WWOX: variants seen among roughly 807,000 people sequenced by gnomAD.
WWOX encodes the protein WW domain-containing oxidoreductase.
A neutral mutation model predicts 46.2 loss-of-function variants in WWOX; 69 were observed. The ratio of observed to expected loss-of-function variants is 1.49; its 90% CI spans 1.23 to 1.82. The LOEUF is 1.82. Among genes scored for constraint, WWOX ranks in the 40% most tolerant of loss-of-function variants. The pLI is 0.00. For synonymous variants in WWOX, 359 were observed against 202.6 expected (o/e 1.77, Z -6.56); for missense variants, 919 against 542.6 (o/e 1.69, Z -6.89).
intron 8 of WWOX, among the ~76,000 whole-genome samples, chr16:79,175,665 G>A (rs1427428926): frequency 1.3e-5 from 2 of 152,206 alleles, no homozygotes; most frequent in Non-Finnish European, 2.9e-5. Context: ...TGATTCTGAT[G>A]AAGGATGTTA....
At chr16:78,940,396 C>A (rs930387399) in intron 8 of WWOX, among the ~76,000 whole-genome samples, 2 of 152,292 alleles carry the variant, frequency 1.3e-5, no homozygotes, top group African/African-American at 4.8e-5. Context: ...CATCTTAGCT[C>A]AGTGTTTCTC....
intron 8 of WWOX, among the ~76,000 whole-genome samples, chr16:78,923,510 A>G (rs748003553): frequency 6.6e-6 from 1 of 152,244 alleles, no homozygotes; most frequent in East Asian, 1.9e-4. Context: ...CAGAATATCA[A>G]CTTTTTCAGA....
At chr16:78,664,637 C>T (rs148975208) in intron 8 of WWOX, among the ~76,000 whole-genome samples, 9 of 152,232 alleles carry the variant, frequency 5.9e-5, no homozygotes, top group Non-Finnish European at 8.8e-5. Flanking sequence ...CAGATGAGCC[C>T]GGTGTATCCG....
At chr16:79,054,278 G>A (rs1421375461) in intron 8 of WWOX, among the ~76,000 whole-genome samples, 1 of 152,128 alleles carries the variant, frequency 6.6e-6, no homozygotes, top group Non-Finnish European at 1.5e-5. Flanking sequence ...TACTTAAATC[G>A]CTATTGTTTT....
At position 78,351,882 on chromosome 16, in the gene WWOX, C is replaced by T. The variant is rs1042695147; in HGVS notation, c.517-34978C>T. Among the ~76,000 whole-genome samples the T allele has an allele frequency of 6.6e-5, 10 of 152,302 alleles. No homozygotes were observed. The East Asian group carries it at 1.9e-3, about 29-fold the overall frequency. On this transcript the variant is annotated intron_variant, in intron 5 of 8. Coordinates refer to ENST00000566780, the MANE Select transcript of WWOX (RefSeq NM_016373.4). Reference sequence around the variant, plus strand: ...ATGTTGGCCAGGCTGGTCTCAAACTCGTGACCTTAGGTGATATGCGCCCCT... The same window carrying T: ...ATGTTGGCCAGGCTGGTCTCAAACTTGTGACCTTAGGTGATATGCGCCCCT...
chr16:79,051,537 A>C (rs1429321559), intron 8 of WWOX, among the ~76,000 whole-genome samples: 1 of 128,304 alleles, frequency 7.8e-6, no homozygotes, highest in Non-Finnish European at 1.6e-5. Context: ...GGCTGCCTGC[A>C]AGGGAGGCTG....
rs535498429 is a variant in WWOX, at chr16:78,362,335, A to AT, written c.517-24523dup. ...GGATAAAGAAAAAAACAGGACAGGC[A>AT]TTACAGGCTTAAGCCTGTAATCCCA... On this transcript the variant is annotated intron_variant, in intron 5 of 8. Transcript: ENST00000566780. Among the ~76,000 whole-genome samples, 52 of 152,246 alleles carry AT rather than the reference A, an allele frequency of 3.4e-4. 2 individuals carry two copies. The East Asian group carries it at 8.9e-3, about 26-fold the overall frequency.
intron 5 of WWOX, among the ~76,000 whole-genome samples, chr16:78,308,529 A>G (rs950203243): frequency 6.6e-6 from 1 of 152,186 alleles, no homozygotes; most frequent in African/African-American, 2.4e-5. Flanking sequence ...GATAGCAGGC[A>G]TGGAAAGAAA....
chr16:78,418,446 C>T (rs1374991275), intron 6 of WWOX, among the ~76,000 whole-genome samples: 2 of 151,978 alleles, frequency 1.3e-5, no homozygotes, highest in African/African-American at 2.4e-5. Context: ...CACTTTCCAT[C>T]TGACACTGTG....
intron 8 of WWOX, among the ~76,000 whole-genome samples, chr16:78,679,123 T>G (rs1567484754): frequency 1.3e-5 from 2 of 152,196 alleles, no homozygotes; most frequent in Non-Finnish European, 2.9e-5. Flanking sequence ...ACCAGCGTCT[T>G]GGACCTAGGG....
intron 5 of WWOX, among the ~76,000 whole-genome samples, chr16:78,356,474 C>T (rs920850326): frequency 3.9e-5 from 6 of 152,108 alleles, no homozygotes; most frequent in Admixed American, 1.3e-4. Context: ...TATGACACAT[C>T]TCTAGTTTGT....
intron 5 of WWOX, among the ~76,000 whole-genome samples, chr16:78,205,696 CA>C (rs1212756251): frequency 6.6e-6 from 1 of 152,068 alleles, no homozygotes; most frequent in Non-Finnish European, 1.5e-5. Context: ...TCCATCTGTT[CA>C]TTCATCTATC....
At chr16:79,062,352 T>TG (rs1427621444) in intron 8 of WWOX, among the ~76,000 whole-genome samples, 1 of 152,218 alleles carries the variant, frequency 6.6e-6, no homozygotes, top group African/African-American at 2.4e-5. Context: ...GAAAAGGTAA[T>TG]GGGGACCTCA....
At chr16:78,597,756 A>ATG (rs200277680) in intron 8 of WWOX, among the ~76,000 whole-genome samples, 6,912 of 77,044 alleles carry the variant, frequency 0.09, 219 homozygotes, top group South Asian at 0.28. Context: ...GTTTATTTAT[A>ATG]TGTGTATATA....
intron 8 of WWOX, among the ~76,000 whole-genome samples, chr16:78,818,392 T>C (rs565401044): frequency 3.3e-5 from 5 of 152,296 alleles, no homozygotes; most frequent in African/African-American, 1.2e-4. Flanking sequence ...CCACCTTCAT[T>C]GACTCAGGCC....
intron 4 of WWOX, among the ~76,000 whole-genome samples, chr16:78,118,721 A>ACTC (rs1168523705): frequency 6.6e-6 from 1 of 152,084 alleles, no homozygotes; most frequent in Non-Finnish European, 1.5e-5. Flanking sequence ...TATGTTAGAT[A>ACTC]CTCCAGTTCA....
At position 78,377,806 on chromosome 16, in the gene WWOX, T is replaced by C. The variant is rs985275181; in HGVS notation, c.517-9054T>C. ...TGCTTTCCATGGCACGCAACTCATA[T>C]ACTAAATTAAATAAGCTGTTATCTG... On this transcript the variant is annotated intron_variant, in intron 5 of 8. Coordinates refer to ENST00000566780, the MANE Select transcript of WWOX (RefSeq NM_016373.4). Among the ~76,000 whole-genome samples the C allele has an allele frequency of 5.3e-5, 8 of 152,346 alleles. No individual in the cohort carries two copies. The East Asian group carries it at 1.5e-3, about 29-fold the overall frequency.
At chr16:78,396,451 A>G (rs749034865) in intron 6 of WWOX, among the ~76,000 whole-genome samples, 7 of 152,204 alleles carry the variant, frequency 4.6e-5, no homozygotes, top group Non-Finnish European at 7.3e-5. Flanking sequence ...AACTATCACT[A>G]TCATCTTTCA....
intron 8 of WWOX, among the ~76,000 whole-genome samples, chr16:78,636,726 C>T (rs899938028): frequency 6.6e-6 from 1 of 152,262 alleles, no homozygotes; most frequent in Admixed American, 6.5e-5. Context: ...CCTAGCTCAG[C>T]AAGTAAGAAT....
Sources: gnomAD v4.1 joint callset for allele counts (sites outside exome capture counted in the v4.1 genomes callset) on GRCh38, gnomAD v4.1.1 for gene constraint, MANE v1.5 for transcripts, NCBI Gene and HGNC (gene_info 2026-07-23, HGNC 2026-07-21) for gene names.